Variants in KIAA0319L observed in about 807,000 individuals in gnomAD.
KIAA0319L encodes the protein dyslexia-associated protein KIAA0319-like protein.
In KIAA0319L, 55 loss-of-function variants were observed where a neutral mutation model predicts 120.1. The ratio of observed to expected loss-of-function variants is 0.46; its 90% CI spans 0.37 to 0.57. The LOEUF (loss-of-function observed/expected upper bound fraction) is 0.57, where lower values mean the gene tolerates loss of function less well. KIAA0319L is among the 20% of genes least tolerant of loss of function. KIAA0319L has a pLI of 0.00. For synonymous variants in KIAA0319L, 398 were observed against 471.9 expected (o/e 0.84, Z 2.03); for missense variants, 1,049 against 1,255.3 (o/e 0.84, Z 2.48).
At chr1:35,529,540 A>G (rs1646281767) in intron 2 of KIAA0319L, among the ~76,000 whole-genome samples, 1 of 152,120 alleles carries the variant, frequency 6.6e-6, no homozygotes, top group African/African-American at 2.4e-5. Flanking sequence ...GAAAGTCTTC[A>G]TTTCTCCTTT....
At chr1:35,552,148 T>A (rs1647252442) in intron 2 of KIAA0319L, among the ~76,000 whole-genome samples, 1 of 151,940 alleles carries the variant, frequency 6.6e-6, no homozygotes, top group African/African-American at 2.4e-5. Flanking sequence ...ATGGAGACCA[T>A]CCTGCCAACA....
intron 3 of KIAA0319L, among the ~76,000 whole-genome samples, chr1:35,500,567 C>G (rs1471223011): frequency 6.6e-6 from 1 of 152,230 alleles, no homozygotes; most frequent in Non-Finnish European, 1.5e-5. Context: ...AATCCAAATG[C>G]CTTTGCAGCT....
Position 35,434,999 on chromosome 1 carries a change from T to A in KIAA0319L, c.3045A>T (p.Thr1015=). 1 of 1,614,194 alleles carries A rather than the reference T, an allele frequency of 6.2e-7. No homozygotes were observed. The highest frequency in any genetic ancestry group is 1.1e-5 in the South Asian group (1 of 91,086). ...GTTTGCCCTTCTCTCGGTCTGGCCA[T>A]GTAAAGATGGCATCATCGCTGTCCA... The part of the protein sequence containing the change: ...SELDSDDAIF[T]WPDREKGKLL... The change falls in exon 21 of 21, where the codon ACA becomes ACT. Residue 1015 remains threonine, a synonymous_variant. Transcript: ENST00000325722.
At chr1:35,532,352 A>ATTAAATAT (rs1646403670) in intron 2 of KIAA0319L, among the ~76,000 whole-genome samples, 1 of 152,112 alleles carries the variant, frequency 6.6e-6, no homozygotes, top group Non-Finnish European at 1.5e-5. Flanking sequence ...TTGTTACATC[A>ATTAAATAT]TGTGTTCAAT....
At chr1:35,554,246 A>C in intron 2 of KIAA0319L, 104 bp downstream of exon 2, 1 of 751,848 alleles carries the variant, frequency 1.3e-6, no homozygotes, top group Non-Finnish European at 1.9e-6. Context: ...CAATTAGCAG[A>C]TTGTTTTTTC....
At chr1:35,503,200 A>G (rs183877263) in intron 3 of KIAA0319L, among the ~76,000 whole-genome samples, 18 of 152,344 alleles carry the variant, frequency 1.2e-4, no homozygotes, top group African/African-American at 3.8e-4. Flanking sequence ...AGAAAAAACA[A>G]GAAAGAGATG....
At chr1:35,456,280 T>A in intron 9 of KIAA0319L, 39 bp from the exon 10 acceptor site, 1 of 1,346,306 alleles carries the variant, frequency 7.4e-7, no homozygotes, top group Admixed American at 2.3e-5. Flanking sequence ...AGGGACGGGT[T>A]TAAGGAAAGA....
At chr1:35,516,224 A>G (rs1455247109) in intron 2 of KIAA0319L, among the ~76,000 whole-genome samples, 1 of 152,208 alleles carries the variant, frequency 6.6e-6, no homozygotes, top group Non-Finnish European at 1.5e-5. Context: ...TCCTGATACC[A>G]AAACTGGGCA....
At chr1:35,477,028 A>C (rs993112680) in intron 4 of KIAA0319L, among the ~76,000 whole-genome samples, 1 of 152,218 alleles carries the variant, frequency 6.6e-6, no homozygotes, top group Non-Finnish European at 1.5e-5. Context: ...AGCAAAAAAA[A>C]AATTCTTGAG....
intron 9 of KIAA0319L, among the ~76,000 whole-genome samples, chr1:35,459,461 G>C (rs1396100182): frequency 2.0e-5 from 3 of 152,078 alleles, no homozygotes; most frequent in Non-Finnish European, 4.4e-5. Context: ...GCCGGGCGTG[G>C]TGGTGGGTGC....
At chr1:35,533,975 G>A (rs1393793667) in intron 2 of KIAA0319L, among the ~76,000 whole-genome samples, 1 of 152,180 alleles carries the variant, frequency 6.6e-6, no homozygotes, top group Non-Finnish European at 1.5e-5. Context: ...AGGCAGAGGA[G>A]GTAACTAAAT....
intron 1 of KIAA0319L, among the ~76,000 whole-genome samples, chr1:35,556,034 G>A (rs901223698): frequency 6.6e-6 from 1 of 152,210 alleles, no homozygotes; most frequent in Non-Finnish European, 1.5e-5. Flanking sequence ...TTAAAGGCTT[G>A]CTGACCAAAC....
intron 15 of KIAA0319L, among the ~76,000 whole-genome samples, chr1:35,449,243 C>T (rs1218683505): frequency 6.6e-6 from 1 of 152,174 alleles, no homozygotes; most frequent in African/African-American, 2.4e-5. Context: ...ACCATTTCAT[C>T]AGAAGCTCAG....
intron 12 of KIAA0319L, among the ~76,000 whole-genome samples, chr1:35,452,626 C>T (rs1234675055): frequency 6.6e-6 from 1 of 152,178 alleles, no homozygotes; most frequent in African/African-American, 2.4e-5. Context: ...TAATAAAACT[C>T]AGCTAAAAGG....
At chr1:35,557,572 A>C (rs750730004), upstream of KIAA0319L, 46 of 416,698 alleles carry the variant, frequency 1.1e-4, no homozygotes, top group Non-Finnish European at 1.8e-4. Flanking sequence ...CTGGGCCCCC[A>C]GCCTCTCGCC....
chr1:35,446,760 C>T (rs906584236), intron 16 of KIAA0319L, among the ~76,000 whole-genome samples: 2 of 152,182 alleles, frequency 1.3e-5, no homozygotes, highest in Admixed American at 1.3e-4. Context: ...TGATGCCCTT[C>T]AGAGTTGTGT....
intron 3 of KIAA0319L, among the ~76,000 whole-genome samples, chr1:35,501,421 A>C (rs1452594338): frequency 6.6e-6 from 1 of 151,874 alleles, no homozygotes; most frequent in African/African-American, 2.4e-5. Context: ...CCCTGTGAAA[A>C]CCTCTTCTCC....
intron 1 of KIAA0319L, chr1:35,554,962 T>G (rs1427378178): frequency 2.0e-5 from 3 of 152,870 alleles, no homozygotes; most frequent in African/African-American, 7.2e-5. Context: ...TCTGGCCCAG[T>G]ATTTTTTAAA....
chr1:35,444,910 G>A (rs909814317), intron 16 of KIAA0319L, among the ~76,000 whole-genome samples: 3 of 152,306 alleles, frequency 2.0e-5, no homozygotes. Flanking sequence ...TTTGCTGATT[G>A]TCAATTCCTG....
Sources: gnomAD v4.1 joint callset for allele counts (sites outside exome capture counted in the v4.1 genomes callset) on GRCh38, gnomAD v4.1.1 for gene constraint, MANE v1.5 for transcripts, NCBI Gene and HGNC (gene_info 2026-07-23, HGNC 2026-07-21) for gene names.